CEMIP2: variants seen among roughly 807,000 people sequenced by gnomAD.
CEMIP2 encodes the protein cell migration inducing hyaluronidase 2, also known as cell surface hyaluronidase CEMIP2.
In CEMIP2, 79 loss-of-function variants were observed where a neutral mutation model predicts 146.9. The ratio of observed to expected loss-of-function variants is 0.54; its 90% CI spans 0.45 to 0.65. The LOEUF (loss-of-function observed/expected upper bound fraction) is 0.65. Among genes scored for constraint, CEMIP2 ranks in the 30% least tolerant of loss-of-function variants. CEMIP2 has a pLI of 0.00. For synonymous variants in CEMIP2, 601 were observed against 606.3 expected, an observed-to-expected ratio of 0.99 and a Z score of 0.13; for missense variants, 1,596 against 1,696.2, an observed-to-expected ratio of 0.94 and a Z score of 1.04.
In CEMIP2 at chr9:71,734,909, T is replaced by C; in HGVS notation, c.1290A>G (p.Gly430=). ...CTGTGCTTGCGACCACAATCTGGTC[T>C]CCAGGTTTCCAACTACTAACATCAT... ...LLDDVSSWKP[G]DQIVVASTDY... The change falls in exon 6 of 24, where the codon GGA becomes GGG. Residue 430 remains glycine, a synonymous_variant. Coordinates refer to ENST00000377044, the MANE Select transcript of CEMIP2 (RefSeq NM_013390.3). 1 of 1,613,976 alleles carries C rather than the reference T, an allele frequency of 6.2e-7. No homozygotes were observed. The highest frequency in any genetic ancestry group is 8.5e-7 in the Non-Finnish European group (1 of 1,179,994).
At chr9:71,693,195 C>T (rs920602991) in intron 21 of CEMIP2, among the ~76,000 whole-genome samples, 1 of 152,160 alleles carries the variant, frequency 6.6e-6, no homozygotes, top group South Asian at 2.1e-4. Flanking sequence ...ATGTTGCCCA[C>T]CACTAAAAAA....
intron 5 of CEMIP2, among the ~76,000 whole-genome samples, chr9:71,737,177 A>G (rs1324923065): frequency 6.7e-6 from 1 of 148,908 alleles, no homozygotes; most frequent in Non-Finnish European, 1.5e-5. Flanking sequence ...AAAAAAAGAA[A>G]GAAAGAAAGA....
chr9:71,697,629 A>C (rs1191715595), intron 20 of CEMIP2, among the ~76,000 whole-genome samples: 1 of 152,230 alleles, frequency 6.6e-6, no homozygotes, highest in Non-Finnish European at 1.5e-5. Flanking sequence ...CCAACAAAAC[A>C]AAGTATCTTT....
At chr9:71,740,405 T>C (rs1823880575) in intron 4 of CEMIP2, among the ~76,000 whole-genome samples, 173 bp from the exon 5 acceptor site, 1 of 152,254 alleles carries the variant, frequency 6.6e-6, no homozygotes, top group Non-Finnish European at 1.5e-5. Flanking sequence ...CTAGTTCTCC[T>C]AGAAGGAAAT....
intron 22 of CEMIP2, chr9:71,686,865 T>A (rs999706526): frequency 1.3e-5 from 2 of 152,182 alleles, no homozygotes; most frequent in Non-Finnish European, 2.9e-5. Context: ...CATGGGAGAA[T>A]GGTTTTGTTT....
At position 71,715,010 on chromosome 9, in the gene CEMIP2, C is replaced by A; in HGVS notation, c.2515G>T (p.Gly839Cys). Reference sequence around the variant, plus strand: ...TACTTGTTCTGACCACCCTGAAAGCCGTAATTCCTGCTCTCCCCAACAAAG... The same window carrying A: ...TACTTGTTCTGACCACCCTGAAAGCAGTAATTCCTGCTCTCCCCAACAAAG... Reference protein sequence around the residue: ...SLFVGESRNYGFQGGQNKYVG... With the variant: ...SLFVGESRNYCFQGGQNKYVG... The change falls in exon 15 of 24, where the codon GGC becomes TGC. Residue 839 changes from glycine to cysteine, a missense_variant. Physicochemically the swap from Gly to Cys is radical, Grantham distance 159. Transcript: ENST00000377044. 6.2e-7 allele frequency: 1 copy of A among 1,613,936 alleles called. No individual in the cohort carries two copies. The highest frequency in any genetic ancestry group is 8.5e-7 in the Non-Finnish European group (1 of 1,179,924).
At chr9:71,745,617 C>A in intron 3 of CEMIP2, 38 bp from the exon 4 acceptor site, 4 of 1,517,906 alleles carry the variant, frequency 2.6e-6, no homozygotes, top group Non-Finnish European at 3.5e-6. Flanking sequence ...ACTTCTAAAT[C>A]ATCTTTCTGA....
intron 2 of CEMIP2, among the ~76,000 whole-genome samples, chr9:71,749,167 A>AT (rs1236082633): frequency 9.2e-5 from 14 of 152,164 alleles, no homozygotes; most frequent in African/African-American, 3.4e-4. Flanking sequence ...AAGAAATTAA[A>AT]ATCTCCCTGC....
chr9:71,711,526 C>G (rs1822905063), intron 16 of CEMIP2, among the ~76,000 whole-genome samples: 1 of 151,778 alleles, frequency 6.6e-6, no homozygotes, highest in Non-Finnish European at 1.5e-5. Context: ...CTGCAGTGAG[C>G]CATGACTTTG....
At chr9:71,758,044 A>G (rs953723337) in intron 1 of CEMIP2, among the ~76,000 whole-genome samples, 1 of 152,208 alleles carries the variant, frequency 6.6e-6, no homozygotes, top group African/African-American at 2.4e-5. Context: ...GTAGTTTAGC[A>G]GAATATAATG....
Position 71,685,751 on chromosome 9 carries a change from T to A in CEMIP2, c.3947A>T (p.Tyr1316Phe), listed in dbSNP as rs1822042257. The A allele has an allele frequency of 3.1e-6, 5 of 1,612,838 alleles. No homozygotes were observed. Among genetic ancestry groups the A allele is most frequent in the Non-Finnish European group, 4.2e-6 (5 of 1,178,900 alleles). Residue 1316 changes from tyrosine to phenylalanine, a missense_variant, in exon 23 of 24, where the codon TAT (tyrosine) becomes TTT (phenylalanine). Tyr to Phe is a conservative substitution (Grantham distance 22). Transcript: ENST00000377044. ...PLGLAKPAHL[Y>F]DKGSTIFLGF... Reference sequence around the variant, plus strand: ...ATAATACAAATACAAACCTTTGTCATAAAGATGAGCTGGTTTGGCTAATCC... The same window carrying A: ...ATAATACAAATACAAACCTTTGTCAAAAAGATGAGCTGGTTTGGCTAATCC...
At chr9:71,737,358 A>G in intron 5 of CEMIP2, among the ~76,000 whole-genome samples, 1 of 151,204 alleles carries the variant, frequency 6.6e-6, no homozygotes. Context: ...AGGCTGAGGC[A>G]GGAGAATCGC....
At chr9:71,746,438 A>G in intron 2 of CEMIP2, 97 bp from the exon 3 acceptor site, 1 of 1,433,896 alleles carries the variant, frequency 7.0e-7, no homozygotes, top group Non-Finnish European at 9.5e-7. Flanking sequence ...TCTGCAAAAA[A>G]TGTGCTAACA....
At chr9:71,702,584 A>G (rs868616661) in intron 18 of CEMIP2, among the ~76,000 whole-genome samples, 1 of 152,092 alleles carries the variant, frequency 6.6e-6, no homozygotes, top group Non-Finnish European at 1.5e-5. Flanking sequence ...ATGTTTTTCT[A>G]TATTTTCCTT....
In CEMIP2 at chr9:71,700,668, C is replaced by T; in HGVS notation, c.3351G>A (p.Arg1117=). Reference sequence around the variant, plus strand: ...CCGTGCTGGAGTCAAAATAGAATTTCCTCTCGGATTGCTTTCTTTGCAGTT... The same window carrying T: ...CCGTGCTGGAGTCAAAATAGAATTTTCTCTCGGATTGCTTTCTTTGCAGTT... The part of the protein sequence containing the change: ...LEELQRKQSE[R]KFYFDSSTGL... The change falls in exon 19 of 24, where the codon AGG becomes AGA. Residue 1117 remains arginine (R), a synonymous_variant. Coordinates refer to ENST00000377044, the MANE Select transcript of CEMIP2 (RefSeq NM_013390.3). The T allele has an allele frequency of 6.2e-7, 1 of 1,604,432 alleles. No homozygotes were observed. Among genetic ancestry groups the T allele is most frequent in the Non-Finnish European group, 8.5e-7 (1 of 1,176,856 alleles).
intron 1 of CEMIP2, among the ~76,000 whole-genome samples, chr9:71,767,727 A>C (rs938893814): frequency 6.6e-6 from 1 of 152,224 alleles, no homozygotes; most frequent in Admixed American, 6.5e-5. Context: ...AGCTGGGAAT[A>C]GGGTCCAGGG....
chr9:71,698,240 T>C, intron 19 of CEMIP2, 36 bp from the exon 20 acceptor site: 4 of 1,581,628 alleles, frequency 2.5e-6, no homozygotes, highest in Non-Finnish European at 2.6e-6. Flanking sequence ...GTAGTTAGAC[T>C]TATTCTCAAA....
Position 71,738,064 on chromosome 9 carries a change from T to C in CEMIP2, c.1204+1999A>G, listed in dbSNP as rs558274823. 2.6e-5 allele frequency among the ~76,000 whole-genome samples: 4 copies of C among 152,196 alleles called. No homozygotes were observed. In the East Asian group the frequency reaches 7.7e-4, roughly 29 times the overall value. On this transcript the variant is annotated intron_variant, in intron 5 of 23. Transcript: ENST00000377044. ...TAATCTAATTCCAGAGCCCAATTTC[T>C]TTCAAAGCCTCTATATTATACTCTC...
chr9:71,687,627 A>C (rs1488560432), intron 22 of CEMIP2, among the ~76,000 whole-genome samples: 1 of 152,108 alleles, frequency 6.6e-6, no homozygotes, highest in Non-Finnish European at 1.5e-5. Context: ...CCAGGAGTTC[A>C]AGACCAGCCT....
Sources: allele counts gnomAD v4.1 joint callset (sites outside exome capture counted in the v4.1 genomes callset), GRCh38; gene constraint gnomAD v4.1.1; transcripts MANE v1.5; gene names NCBI Gene and HGNC (gene_info 2026-07-23, HGNC 2026-07-21).